Variants in ATPAF1 observed in about 807,000 individuals in gnomAD.
The protein encoded by ATPAF1 is homolog of yeast ATP11.
ATPAF1 carries 26 observed loss-of-function variants against 43.9 expected under a neutral mutation model. The ratio of observed to expected loss-of-function variants is 0.59; its 90% CI spans 0.43 to 0.82. The LOEUF (loss-of-function observed/expected upper bound fraction) is 0.82. Among genes scored for constraint, ATPAF1 ranks in the 40% least tolerant of loss-of-function variants. ATPAF1 has a pLI of 0.00. For missense variants in ATPAF1, 366 were observed against 435.0 expected (o/e 0.84, Z 1.41); for synonymous variants, 157 against 168.0 (o/e 0.93, Z 0.50).
chr1:46,668,374 C>T, upstream of ATPAF1: 1 of 1,259,524 alleles, frequency 7.9e-7, no homozygotes. The surrounding 1 kb of genome is among the most constrained non-coding windows in gnomAD (Gnocchi z 4.4). Flanking sequence ...CGGCCCGCGG[C>T]CCGCGCGCCC....
chr1:46,665,728 C>A, intron 1 of ATPAF1: 1 of 1,526,514 alleles, frequency 6.6e-7, no homozygotes, highest in South Asian at 1.2e-5. Context: ...TACTAGGTGT[C>A]AAGCTTTTAC....
chr1:46,658,751 G>C lies in ATPAF1; in HGVS notation c.376-14C>G, dbSNP rs1322657928. ...CAAGGCATCTGTCTGAAATATATAA[G>C]ACAAGATATTAATCTACACTTTACT... On this transcript the variant is annotated splice_polypyrimidine_tract_variant and intron_variant, in intron 2 of 8. Coordinates refer to ENST00000574428, the Ensembl canonical transcript of ATPAF1. 4 of 1,569,844 alleles carry C rather than the reference G, an allele frequency of 2.5e-6. No individual in the cohort carries two copies. The highest frequency in any genetic ancestry group is 3.5e-6 in the Non-Finnish European group (4 of 1,154,966).
intron 2 of ATPAF1, among the ~76,000 whole-genome samples, chr1:46,662,430 A>G (rs1460128055): frequency 6.6e-6 from 1 of 151,138 alleles, no homozygotes; most frequent in Non-Finnish European, 1.5e-5. Context: ...CCCCAACCTT[A>G]TTATAATTAA....
At chr1:46,656,006 C>T (rs1025492946) in intron 4 of ATPAF1, among the ~76,000 whole-genome samples, 1 of 152,156 alleles carries the variant, frequency 6.6e-6, no homozygotes, top group African/African-American at 2.4e-5. Flanking sequence ...TGCCTTGCAA[C>T]CCAAAAAGTA....
intron 6 of ATPAF1, among the ~76,000 whole-genome samples, chr1:46,648,339 G>T (rs6666405): frequency 0.4 from 61,183 of 151,876 alleles, 14,195 homozygotes; most frequent in East Asian, 0.78. Flanking sequence ...CTTGAACTTC[G>T]GACCTCAAGT....
At chr1:46,638,865 C>T (rs1036103902) in intron 8 of ATPAF1, among the ~76,000 whole-genome samples, 7 of 152,050 alleles carry the variant, frequency 4.6e-5, no homozygotes, top group African/African-American at 1.7e-4. Flanking sequence ...GGTATTTTAA[C>T]AAGTTTGATT....
At chr1:46,651,819 T>A (rs1676175103) in intron 6 of ATPAF1, among the ~76,000 whole-genome samples, 1 of 151,744 alleles carries the variant, frequency 6.6e-6, no homozygotes, top group Admixed American at 6.6e-5. Context: ...TACAATGAAC[T>A]CAAACAAATT....
In ATPAF1 at chr1:46,653,650, GA is replaced by G. The variant is rs1449303086; in HGVS notation, c.540+166del. 6.6e-6 allele frequency among the ~76,000 whole-genome samples: 1 copy of G among 152,140 alleles called. No homozygotes were observed. Among genetic ancestry groups the G allele is most frequent in the Non-Finnish European group, 1.5e-5 (1 of 68,034 alleles). ...ACAAGAGCCATAAATATACCATATG[GA>G]GCTTCCAATCTCTGGTGCTCAGGGC... On this transcript the variant is annotated intron_variant, in intron 5 of 8. Transcript: ENST00000574428. The surrounding 1 kb of genome is among the most constrained non-coding windows in gnomAD (Gnocchi z 4.8).
At chr1:46,644,531 T>C (rs1676004060) in intron 7 of ATPAF1, among the ~76,000 whole-genome samples, 1 of 151,506 alleles carries the variant, frequency 6.6e-6, no homozygotes, top group African/African-American at 2.4e-5. Context: ...TTGCATTCTT[T>C]ACCCCAACTT....
chr1:46,647,243 G>A (rs993237729), intron 6 of ATPAF1, among the ~76,000 whole-genome samples: 3 of 151,908 alleles, frequency 2.0e-5, no homozygotes, highest in African/African-American at 7.3e-5. Context: ...AGACATATTG[G>A]GTCTGTCTGG....
intron 1 of ATPAF1, chr1:46,665,966 G>T: frequency 1.2e-6 from 1 of 806,092 alleles, no homozygotes; most frequent in Non-Finnish European, 1.7e-6. Flanking sequence ...TCCAGGCTGG[G>T]GTGCTGTCCC....
At position 46,646,400 on chromosome 1, in the gene ATPAF1, A is replaced by G. The variant is rs77269216; in HGVS notation, c.589-1144T>C. 1.7e-3 allele frequency among the ~76,000 whole-genome samples: 260 copies of G among 152,300 alleles called. 2 individuals carry two copies. The highest frequency in any genetic ancestry group is 6.1e-3 in the African/African-American group (254 of 41,560). On this transcript the variant is annotated intron_variant, in intron 6 of 8. Transcript: ENST00000574428. Reference sequence around the variant, plus strand: ...AATGCTGCTGAATTAGCTCGTTCCAATTGCTGTAATTACTTCACATTCTAT... The same window carrying G: ...AATGCTGCTGAATTAGCTCGTTCCAGTTGCTGTAATTACTTCACATTCTAT...
At chr1:46,652,687 T>C (rs560359383) in intron 5 of ATPAF1, 59 bp from the exon 6 acceptor site, 1 of 1,398,326 alleles carries the variant, frequency 7.2e-7, no homozygotes, top group African/African-American at 1.4e-5. Context: ...AAGGCCACTA[T>C]CACATGTAAT....
chr1:46,648,960 C>T (rs1676109676), intron 6 of ATPAF1, among the ~76,000 whole-genome samples: 1 of 151,516 alleles, frequency 6.6e-6, no homozygotes, highest in South Asian at 2.1e-4. Context: ...GCCTGGGCAA[C>T]AGTACAAGAC....
At chr1:46,661,030 G>T (rs2148825555) in intron 2 of ATPAF1, among the ~76,000 whole-genome samples, 1 of 150,500 alleles carries the variant, frequency 6.6e-6, no homozygotes, top group African/African-American at 2.4e-5. Flanking sequence ...ATTCCACATT[G>T]TGGAATCATA....
intron 8 of ATPAF1, among the ~76,000 whole-genome samples, chr1:46,641,448 G>A (rs1299951008): frequency 6.6e-6 from 1 of 152,038 alleles, no homozygotes; most frequent in Non-Finnish European, 1.5e-5. Flanking sequence ...GATACCCTTG[G>A]GCGCACTTCT....
intron 4 of ATPAF1, among the ~76,000 whole-genome samples, chr1:46,655,074 A>C (rs1264609634): frequency 6.6e-6 from 1 of 152,126 alleles, no homozygotes; most frequent in East Asian, 1.9e-4. Flanking sequence ...AAGAATGAGC[A>C]AAAGGGGGAA....
rs1676445991 is a variant in ATPAF1 at position 46,664,004 on chromosome 1, A to C, written c.375+1252T>G. On this transcript the variant is annotated intron_variant, in intron 2 of 8. Transcript: ENST00000574428. ...CAGAGTTTTTTAAAAGATGAAAGAG[A>C]ATAAAAAGTAATAAGAATGGACTGC... 4.5e-5 allele frequency: 36 copies of C among 807,132 alleles called. No individual in the cohort carries two copies. The South Asian group carries it at 6.3e-4, about 14-fold the overall frequency. 50.0% of individuals were successfully genotyped at this position (807,132 alleles called of 1,614,324 possible).
chr1:46,654,531 A>ATTTAT (rs112199735), intron 4 of ATPAF1, among the ~76,000 whole-genome samples: 1 of 130,748 alleles, frequency 7.6e-6, no homozygotes, highest in Non-Finnish European at 1.6e-5. Context: ...TTATTTATTT[A>ATTTAT]TTATTATTAT....
Sources: allele counts gnomAD v4.1 joint callset (sites outside exome capture counted in the v4.1 genomes callset), GRCh38; gene constraint gnomAD v4.1.1; non-coding constraint Gnocchi (gnomAD v3.1); transcripts MANE v1.5; gene names NCBI Gene and HGNC (gene_info 2026-07-23, HGNC 2026-07-21).